Variants in ZNF248 observed in about 807,000 individuals in gnomAD.
ZNF248 encodes KRAB protein domain.
In ZNF248, 20 loss-of-function variants were observed where a neutral mutation model predicts 44.3. The ratio of observed to expected loss-of-function variants is 0.45; its 90% CI spans 0.32 to 0.66. ZNF248 has a LOEUF of 0.66. ZNF248 is among the 30% of genes least tolerant of loss of function. The probability of loss-of-function intolerance (pLI) is 0.04; values close to 1 mark genes in which losing one functional copy is unlikely to be tolerated. For missense variants in ZNF248, 654 were observed against 677.0 expected (o/e 0.97, Z 0.38); for synonymous variants, 224 against 229.0 (o/e 0.98, Z 0.20).
chr10:37,766,573 T>G, the ZNF248 span, among the ~76,000 whole-genome samples: 2 of 152,130 alleles, frequency 1.3e-5, no homozygotes, highest in African/African-American at 4.8e-5. Flanking sequence ...TCCTGTCTGT[T>G]AGAAGGAAAA....
At chr10:37,836,089 C>T (rs2057106262) in intron 5 of ZNF248, among the ~76,000 whole-genome samples, 1 of 151,990 alleles carries the variant, frequency 6.6e-6, no homozygotes, top group Non-Finnish European at 1.5e-5. Flanking sequence ...TCTCTCATAC[C>T]CAATCTGAAA....
chr10:37,800,766 CTT>C (rs60341570), intron 6 of ZNF248, among the ~76,000 whole-genome samples: 19 of 144,852 alleles, frequency 1.3e-4, no homozygotes, highest in Admixed American at 2.1e-4. Context: ...AACATTTTTT[CTT>C]TTTTTTTTTT....
chr10:37,778,608 G>GCCCATGC (rs1389403490), intron 6 of ZNF248, among the ~76,000 whole-genome samples: 2 of 151,808 alleles, frequency 1.3e-5, no homozygotes, highest in African/African-American at 4.8e-5. Flanking sequence ...TGAAGTCATT[G>GCCCATGC]CTATGTCCTG....
In ZNF248 at chr10:37,832,760, T is replaced by C. The variant is rs758168590; in HGVS notation, c.595A>G (p.Ile199Val). ...SYKYDQKRNA[I>V]NYHQDLSQPS... ...TGACTGAGATCCTGGTGATAATTAA[T>C]GGCATTCCTTTTTTGATCATATTTA... Residue 199 changes from isoleucine (I) to valine (V), a missense_variant, in exon 6 of 6, where the codon ATT (isoleucine) becomes GTT (valine). Physicochemically the swap from Ile to Val is conservative, Grantham distance 29 (BLOSUM62 3). Coordinates refer to ENST00000395867, the MANE Select transcript of ZNF248 (RefSeq NM_021045.3). The C allele has an allele frequency of 2.5e-6, 4 of 1,613,682 alleles. No individual in the cohort carries two copies. The African/African-American group carries it at 5.3e-5, about 22-fold the overall frequency.
intron 6 of ZNF248, among the ~76,000 whole-genome samples, chr10:37,807,915 T>A (rs1389995510): frequency 2.0e-5 from 3 of 152,174 alleles, no homozygotes; most frequent in Non-Finnish European, 4.4e-5. Context: ...AGAACTTCCA[T>A]ATTATGCTGA....
At chr10:37,856,362 T>C in intron 2 of ZNF248, 25 bp from the exon 3 acceptor site, 1 of 1,612,200 alleles carries the variant, frequency 6.2e-7, no homozygotes, top group Non-Finnish European at 8.5e-7. Flanking sequence ...AGGAAGAATG[T>C]CAGGAGAGCC....
chr10:37,801,327 G>GACTGCGCC (rs1481150088), intron 6 of ZNF248, among the ~76,000 whole-genome samples: 1 of 151,816 alleles, frequency 6.6e-6, no homozygotes, highest in African/African-American at 2.4e-5. Context: ...AGTGAGCTGA[G>GACTGCGCC]ACTGCGCCAC....
intron 6 of ZNF248, among the ~76,000 whole-genome samples, chr10:37,810,518 T>C (rs1458171745): frequency 1.3e-5 from 2 of 152,168 alleles, no homozygotes; most frequent in Non-Finnish European, 2.9e-5. Flanking sequence ...TTAAACTGCA[T>C]GGGTCTGTTA....
intron 6 of ZNF248, among the ~76,000 whole-genome samples, chr10:37,788,364 T>C (rs2048130167): frequency 6.6e-6 from 1 of 151,462 alleles, no homozygotes; most frequent in Admixed American, 6.6e-5. Flanking sequence ...CTCACACCTG[T>C]AATCCCAGCA....
chr10:37,819,135 C>T, intron 6 of ZNF248: 1 of 789,062 alleles, frequency 1.3e-6, no homozygotes, highest in Non-Finnish European at 2.3e-6. Flanking sequence ...AGAATATTCC[C>T]TGGTTTGAGG....
intron 6 of ZNF248, among the ~76,000 whole-genome samples, chr10:37,786,065 A>G (rs1480721189): frequency 2.0e-5 from 3 of 152,172 alleles, no homozygotes; most frequent in African/African-American, 7.2e-5. Context: ...TGGAGTAGCC[A>G]TGACAGCAGG....
At chr10:37,856,795 T>C (rs2061372867) in intron 1 of ZNF248, 2 of 898,068 alleles carry the variant, frequency 2.2e-6, no homozygotes, top group South Asian at 5.1e-5. Flanking sequence ...CAAAAGGATC[T>C]TTTAATGAGA....
intron 3 of ZNF248, among the ~76,000 whole-genome samples, chr10:37,846,775 A>G (rs565743847): frequency 6.6e-6 from 1 of 152,336 alleles, no homozygotes; most frequent in East Asian, 1.9e-4. Context: ...TCAACTACTT[A>G]GAGAAAATAC....
At chr10:37,818,751 G>T in intron 6 of ZNF248, 1 of 669,366 alleles carries the variant, frequency 1.5e-6, no homozygotes, top group Non-Finnish European at 2.6e-6. Flanking sequence ...CCTCCTTTTG[G>T]TAGGCCAAAC....
chr10:37,847,403 A>G (rs2059505766), intron 3 of ZNF248, among the ~76,000 whole-genome samples: 1 of 152,156 alleles, frequency 6.6e-6, no homozygotes, highest in Non-Finnish European at 1.5e-5. Context: ...GGGAAACTTT[A>G]AAGTACAACG....
At chr10:37,823,669 G>A (rs1148281) in intron 6 of ZNF248, among the ~76,000 whole-genome samples, 9,115 of 152,044 alleles carry the variant, frequency 0.06, 355 homozygotes, top group Middle Eastern at 0.095. Flanking sequence ...CATCTCCTGG[G>A]TTCAAGCGAT....
intron 6 of ZNF248, among the ~76,000 whole-genome samples, chr10:37,790,921 T>C (rs1482388909): frequency 7.6e-6 from 1 of 132,112 alleles, no homozygotes; most frequent in East Asian, 2.2e-4. Flanking sequence ...CCCCATTATC[T>C]TAAAAAAAAA....
At chr10:37,813,389 T>A (rs1222885095) in intron 6 of ZNF248, among the ~76,000 whole-genome samples, 3 of 152,194 alleles carry the variant, frequency 2.0e-5, no homozygotes, top group African/African-American at 7.2e-5. Context: ...GAAATTATGA[T>A]GTAGTTCTGG....
At chr10:37,839,659 G>A (rs560123963) in intron 3 of ZNF248, among the ~76,000 whole-genome samples, 40 of 152,046 alleles carry the variant, frequency 2.6e-4, no homozygotes, top group Non-Finnish European at 5.6e-4. Context: ...TTTAACGAAA[G>A]ACTATCAAAA....
Sources: gnomAD v4.1 joint callset for allele counts (sites outside exome capture counted in the v4.1 genomes callset) on GRCh38, gnomAD v4.1.1 for gene constraint, MANE v1.5 for transcripts, NCBI Gene and HGNC (gene_info 2026-07-23, HGNC 2026-07-21) for gene names.